Variants in CYP7B1 observed in about 807,000 individuals in gnomAD.
The protein encoded by CYP7B1 is cytochrome P450 family 7 subfamily B member 1.
A neutral mutation model predicts 42.7 loss-of-function variants in CYP7B1; 29 were observed. The ratio of observed to expected loss-of-function variants is 0.68; its 90% CI spans 0.51 to 0.93. The LOEUF (loss-of-function observed/expected upper bound fraction) is 0.93, where lower values mean the gene tolerates loss of function less well. Ranked by LOEUF, CYP7B1 falls within the 40% of genes least tolerant of loss-of-function variation. The pLI is 0.00. For synonymous variants in CYP7B1, 235 were observed against 218.2 expected (o/e 1.08, Z -0.68); for missense variants, 655 against 600.5 (o/e 1.09, Z -0.95).
chr8:64,724,356 A>G (rs1245199461), intron 1 of CYP7B1, among the ~76,000 whole-genome samples: 1 of 152,066 alleles, frequency 6.6e-6, no homozygotes, highest in East Asian at 1.9e-4. Flanking sequence ...CATGTTGGCC[A>G]GGCTTGTCTC....
intron 5 of CYP7B1, among the ~76,000 whole-genome samples, chr8:64,598,269 G>A (rs947159631): frequency 6.6e-6 from 1 of 152,100 alleles, no homozygotes; most frequent in Non-Finnish European, 1.5e-5. Context: ...GTATCCAAAC[G>A]GTATTTAATC....
At chr8:64,648,847 G>C (rs138233037) in intron 1 of CYP7B1, among the ~76,000 whole-genome samples, 2 of 151,948 alleles carry the variant, frequency 1.3e-5, no homozygotes, top group Non-Finnish European at 2.9e-5. Context: ...TAAAATCTAC[G>C]GTCTAGAATC....
intron 4 of CYP7B1, among the ~76,000 whole-genome samples, chr8:64,607,977 G>T (rs549871372): frequency 8.9e-4 from 135 of 152,314 alleles, no homozygotes; most frequent in Non-Finnish European, 5.4e-4. Context: ...CCTGTGAGTT[G>T]TTAAGAACTG....
intron 1 of CYP7B1, among the ~76,000 whole-genome samples, chr8:64,754,483 T>C (rs1194331936): frequency 6.6e-6 from 1 of 152,174 alleles, no homozygotes; most frequent in East Asian, 1.9e-4. Context: ...AAACAATCTT[T>C]AAATGTTTAA....
chr8:64,735,243 G>C (rs549969592), intron 1 of CYP7B1, among the ~76,000 whole-genome samples: 16 of 152,242 alleles, frequency 1.1e-4, no homozygotes, highest in African/African-American at 3.9e-4. Context: ...AATATGCACT[G>C]CAAAATATGT....
intron 1 of CYP7B1, among the ~76,000 whole-genome samples, chr8:64,778,528 T>G (rs985508199): frequency 1.4e-4 from 21 of 152,024 alleles, no homozygotes; most frequent in African/African-American, 5.1e-4. Flanking sequence ...ATGCTGCTAC[T>G]CTAAGTGCAA....
chr8:64,629,037 C>T (rs753963208), intron 1 of CYP7B1, among the ~76,000 whole-genome samples: 9 of 151,950 alleles, frequency 5.9e-5, no homozygotes, highest in Non-Finnish European at 1.3e-4. Context: ...ACCAGCCTGG[C>T]CAACATAGTG....
At chr8:64,798,201 C>A (rs1804735989) in intron 1 of CYP7B1, among the ~76,000 whole-genome samples, 1 of 152,242 alleles carries the variant, frequency 6.6e-6, no homozygotes, top group African/African-American at 2.4e-5. Flanking sequence ...ATGCATAATG[C>A]ATACCGCCAA....
At chr8:64,649,213 A>C (rs77092483) in intron 1 of CYP7B1, among the ~76,000 whole-genome samples, 1 of 152,060 alleles carries the variant, frequency 6.6e-6, no homozygotes, top group African/African-American at 2.4e-5. Context: ...ATTACTCCTG[A>C]ATTTCCTCCC....
At chr8:64,798,084 T>A (rs1804733550) in intron 1 of CYP7B1, among the ~76,000 whole-genome samples, 1 of 152,330 alleles carries the variant, frequency 6.6e-6, no homozygotes, top group Middle Eastern at 3.4e-3. Flanking sequence ...TTGAAACAGT[T>A]CTCTTTTAAC....
At chr8:64,707,711 T>C (rs1169640434) in intron 1 of CYP7B1, among the ~76,000 whole-genome samples, 3 of 152,086 alleles carry the variant, frequency 2.0e-5, no homozygotes, top group Non-Finnish European at 4.4e-5. Flanking sequence ...TCACTTTTCT[T>C]GCACTCCAAT....
intron 1 of CYP7B1, among the ~76,000 whole-genome samples, chr8:64,770,669 G>A (rs1804207509): frequency 6.6e-6 from 1 of 152,158 alleles, no homozygotes; most frequent in Non-Finnish European, 1.5e-5. Flanking sequence ...GAGAGTGGCA[G>A]CCAGCCATTC....
At position 64,624,462 on chromosome 8, in the gene CYP7B1, A is replaced by C; in HGVS notation, c.200T>G (p.Leu67Ter). 1 of 1,613,852 alleles carries C rather than the reference A, an allele frequency of 6.2e-7. No individual in the cohort carries two copies. Among genetic ancestry groups the C allele is most frequent in the Non-Finnish European group, 8.5e-7 (1 of 1,179,942 alleles). ...GVVLNLRKDP[L>*]RFMKTLQKQH... is the part of the protein sequence containing the mutation. Reference sequence around the variant, plus strand: ...CTTTTGAAGTGTTTTCATGAACCTTAAGGGGTCTTTTCGTAAGTTCAGGAC... The same window carrying C: ...CTTTTGAAGTGTTTTCATGAACCTTCAGGGGTCTTTTCGTAAGTTCAGGAC... Residue 67 changes from leucine (L) to a stop codon, truncating the protein, a stop_gained, in exon 2 of 6, where the codon TTA becomes TGA. Transcript: ENST00000310193. LOFTEE classifies it high-confidence loss of function.
At chr8:64,740,506 C>T (rs1436580218) in intron 1 of CYP7B1, among the ~76,000 whole-genome samples, 1 of 149,200 alleles carries the variant, frequency 6.7e-6, no homozygotes, top group Non-Finnish European at 1.5e-5. Flanking sequence ...TTATAAAAGA[C>T]AAATAAAATT....
intron 1 of CYP7B1, among the ~76,000 whole-genome samples, chr8:64,792,105 T>A (rs571372482): frequency 6.6e-6 from 1 of 152,204 alleles, no homozygotes; most frequent in Non-Finnish European, 1.5e-5. Flanking sequence ...GGGATCCTTA[T>A]ATAAAGTTGC....
At chr8:64,648,027 C>A (rs13280706) in intron 1 of CYP7B1, among the ~76,000 whole-genome samples, 16,281 of 152,178 alleles carry the variant, frequency 0.11, 1,151 homozygotes, top group Non-Finnish European at 0.16. Flanking sequence ...TTCATTAATT[C>A]AAGCAATTAC....
chr8:64,761,187 G>A (rs1807884446), intron 1 of CYP7B1, among the ~76,000 whole-genome samples: 2 of 152,138 alleles, frequency 1.3e-5, no homozygotes, highest in African/African-American at 4.8e-5. Flanking sequence ...GGATTAGAAG[G>A]TGAGGGAAAT....
intron 1 of CYP7B1, among the ~76,000 whole-genome samples, chr8:64,672,251 C>T (rs1806377498): frequency 6.6e-6 from 1 of 152,064 alleles, no homozygotes; most frequent in South Asian, 2.1e-4. Context: ...GAAATTACAC[C>T]AACCTGGAAC....
chr8:64,691,489 G>C (rs112553359), intron 1 of CYP7B1, among the ~76,000 whole-genome samples: 1 of 145,212 alleles, frequency 6.9e-6, no homozygotes, highest in African/African-American at 2.7e-5. Context: ...AACTGGGGGG[G>C]GGGGGTGGTG....
Sources: allele counts gnomAD v4.1 joint callset (sites outside exome capture counted in the v4.1 genomes callset), GRCh38; gene constraint gnomAD v4.1.1; transcripts MANE v1.5; gene names NCBI Gene and HGNC (gene_info 2026-07-23, HGNC 2026-07-21).